FER: variants seen among roughly 807,000 people sequenced by gnomAD.
The protein encoded by FER is tyrosine-protein kinase Fer.
In FER, 63 loss-of-function variants were observed where a neutral mutation model predicts 111.0. That is an observed-to-expected ratio of 0.57 (90% CI 0.46 to 0.70). FER has a LOEUF of 0.70. Ranked by LOEUF, FER falls within the 30% of genes least tolerant of loss-of-function variation. The pLI, the probability that FER is intolerant of heterozygous loss-of-function variation, is 0.00. For missense variants in FER, 914 were observed against 954.0 expected, an observed-to-expected ratio of 0.96 and a Z score of 0.55; for synonymous variants, 327 against 313.9, an observed-to-expected ratio of 1.04 and a Z score of -0.44.
chr5:108,835,606 T>C, intron 4 of FER, 102 bp from the exon 5 acceptor site: 1 of 658,212 alleles, frequency 1.5e-6, no homozygotes, highest in Non-Finnish European at 2.6e-6. Context: ...CTCTGACCTG[T>C]AAGTAGTGAA....
At chr5:109,039,524 C>T (rs182322550) in intron 14 of FER, among the ~76,000 whole-genome samples, 341 of 152,106 alleles carry the variant, frequency 2.2e-3, no homozygotes, top group African/African-American at 7.5e-3. Flanking sequence ...GGATTGGAAG[C>T]GTTACTAGTT....
chr5:109,051,849 C>T (rs1231524496), intron 16 of FER: 37 of 1,592,328 alleles, frequency 2.3e-5, no homozygotes, highest in Non-Finnish European at 2.9e-5. Flanking sequence ...TGGTTTTCTC[C>T]ATGGGGCAAG....
At chr5:109,016,836 G>A (rs1258834023) in intron 13 of FER, among the ~76,000 whole-genome samples, 3 of 152,068 alleles carry the variant, frequency 2.0e-5, no homozygotes, top group East Asian at 3.9e-4. Context: ...TTTATAGGTA[G>A]GGCTTTTAGG....
intron 3 of FER, among the ~76,000 whole-genome samples, chr5:108,800,632 C>T (rs1321002256): frequency 6.6e-6 from 1 of 152,208 alleles, no homozygotes; most frequent in Non-Finnish European, 1.5e-5. Context: ...GGATTATAGG[C>T]ATGAGCCACT....
At chr5:109,140,677 G>A (rs1239330114) in intron 17 of FER, among the ~76,000 whole-genome samples, 2 of 152,174 alleles carry the variant, frequency 1.3e-5, no homozygotes, top group Non-Finnish European at 2.9e-5. Flanking sequence ...CTTTGGTAAT[G>A]CTGCTAATGA....
chr5:108,902,183 A>G (rs1371418985), intron 10 of FER, among the ~76,000 whole-genome samples: 4 of 152,170 alleles, frequency 2.6e-5, no homozygotes, highest in Non-Finnish European at 4.4e-5. Flanking sequence ...ATTAAAGAGG[A>G]AAAAAACGGG....
intron 14 of FER, among the ~76,000 whole-genome samples, chr5:109,037,945 A>AG (rs1770625853): frequency 1.3e-5 from 2 of 151,936 alleles, no homozygotes; most frequent in African/African-American, 4.8e-5. Context: ...CACTGGGCAT[A>AG]TTTCAATCTA....
At chr5:108,999,649 T>C (rs1044973139) in intron 13 of FER, among the ~76,000 whole-genome samples, 46 of 152,156 alleles carry the variant, frequency 3.0e-4, no homozygotes, top group Non-Finnish European at 5.4e-4. Context: ...TACCAATTTA[T>C]ACTCCTATCA....
At chr5:109,005,809 G>T (rs1240564581) in intron 13 of FER, among the ~76,000 whole-genome samples, 2 of 152,110 alleles carry the variant, frequency 1.3e-5, no homozygotes, top group Non-Finnish European at 2.9e-5. Flanking sequence ...GTAAACTCTT[G>T]TACAGTGCTT....
At chr5:109,114,509 G>GA (rs1049140907) in intron 17 of FER, among the ~76,000 whole-genome samples, 1 of 151,688 alleles carries the variant, frequency 6.6e-6, no homozygotes, top group African/African-American at 2.4e-5. Flanking sequence ...AAATGGATGA[G>GA]AAAAAAAATG....
chr5:108,801,553 A>G (rs911561249), intron 3 of FER, among the ~76,000 whole-genome samples: 5 of 152,202 alleles, frequency 3.3e-5, no homozygotes, highest in African/African-American at 1.2e-4. Context: ...CCTTCCACCC[A>G]CACATTTAAT....
chr5:108,750,209 AT>A (rs1362040840), intron 1 of FER, among the ~76,000 whole-genome samples: 1 of 152,158 alleles, frequency 6.6e-6, no homozygotes, highest in Non-Finnish European at 1.5e-5. Context: ...GATCAAAACT[AT>A]TTTAGTGATT....
At chr5:108,923,037 C>G (rs1753239675) in intron 10 of FER, among the ~76,000 whole-genome samples, 1 of 152,032 alleles carries the variant, frequency 6.6e-6, no homozygotes, top group African/African-American at 2.4e-5. Context: ...CTTTCTGTAC[C>G]TCAGTTTTCT....
chr5:108,797,678 G>C (rs1218479426), intron 2 of FER, among the ~76,000 whole-genome samples: 2 of 152,220 alleles, frequency 1.3e-5, no homozygotes, highest in African/African-American at 4.8e-5. Flanking sequence ...TCAGCGATAG[G>C]AAGTTAAAAC....
chr5:109,103,418 C>G (rs182152473), intron 17 of FER, among the ~76,000 whole-genome samples: 7 of 152,134 alleles, frequency 4.6e-5, no homozygotes, highest in Non-Finnish European at 8.8e-5. Context: ...ATGAGAAGAG[C>G]AGTGTTTCAT....
At chr5:108,982,870 C>T (rs1762158521) in intron 13 of FER, among the ~76,000 whole-genome samples, 1 of 151,920 alleles carries the variant, frequency 6.6e-6, no homozygotes, top group African/African-American at 2.4e-5. Context: ...TTAGCATTTA[C>T]CTACTTAAGC....
intron 13 of FER, among the ~76,000 whole-genome samples, chr5:109,019,473 C>G (rs1767641877): frequency 6.6e-6 from 1 of 151,670 alleles, no homozygotes; most frequent in South Asian, 2.1e-4. Context: ...AGTATGATTA[C>G]CAAACCAGTA....
intron 19 of FER, among the ~76,000 whole-genome samples, chr5:109,187,131 C>CTAAT (rs1758967445): frequency 2.6e-5 from 4 of 152,312 alleles, no homozygotes; most frequent in African/African-American, 9.6e-5. Flanking sequence ...TTCACAGGAT[C>CTAAT]TAATTCTGAA....
chr5:108,778,503 C>T lies in FER; in HGVS notation c.-60+10265C>T, dbSNP rs139845823. Among the ~76,000 whole-genome samples, 64 of 152,282 alleles carry T rather than the reference C, an allele frequency of 4.2e-4. No homozygotes were observed. The East Asian group carries it at 0.011, about 27-fold the overall frequency. On this transcript the variant is annotated intron_variant, in intron 2 of 19. Transcript: ENST00000281092. Reference sequence around the variant, plus strand: ...CCTCACCAGCATTTAGTGTAAACAGCGTCCTGGATTTTGGCTGTTCTGATA... The same window carrying T: ...CCTCACCAGCATTTAGTGTAAACAGTGTCCTGGATTTTGGCTGTTCTGATA...
Sources: gnomAD v4.1 joint callset for allele counts (sites outside exome capture counted in the v4.1 genomes callset) on GRCh38, gnomAD v4.1.1 for gene constraint, MANE v1.5 for transcripts, NCBI Gene and HGNC (gene_info 2026-07-23, HGNC 2026-07-21) for gene names.